The following LYPD6 variants were observed in gnomAD, a reference collection of about 807,000 sequenced individuals.
LYPD6 encodes ly6/PLAUR domain-containing protein 6.
LYPD6 carries 15 observed loss-of-function variants against 22.7 expected under a neutral mutation model. That is an observed-to-expected ratio of 0.66 (90% CI 0.44 to 1.02). The LOEUF (loss-of-function observed/expected upper bound fraction) is 1.02. Ranked by LOEUF, LYPD6 falls within the 50% of genes least tolerant of loss-of-function variation. The probability of loss-of-function intolerance (pLI) is 0.00; values close to 1 mark genes in which losing one functional copy is unlikely to be tolerated. For synonymous variants in LYPD6, 72 were observed against 77.5 expected, an observed-to-expected ratio of 0.93 and a Z score of 0.37; for missense variants, 189 against 208.4, an observed-to-expected ratio of 0.91 and a Z score of 0.57.
intron 1 of LYPD6, among the ~76,000 whole-genome samples, chr2:149,364,458 CT>C (rs2105070932): frequency 6.6e-6 from 1 of 151,766 alleles, no homozygotes; most frequent in East Asian, 1.9e-4. Flanking sequence ...TGACACCTGA[CT>C]TTTTACAGCA....
At chr2:149,422,429 G>GTC (rs1394012528) in intron 1 of LYPD6, among the ~76,000 whole-genome samples, 3 of 152,074 alleles carry the variant, frequency 2.0e-5, no homozygotes, top group African/African-American at 7.2e-5. Flanking sequence ...GGGGCCTGGG[G>GTC]TCTCTCTGCT....
At chr2:149,394,518 A>C (rs1682385008) in intron 1 of LYPD6, among the ~76,000 whole-genome samples, 1 of 152,154 alleles carries the variant, frequency 6.6e-6, no homozygotes, top group Non-Finnish European at 1.5e-5. Flanking sequence ...TTATAATTTT[A>C]GTATTTTTGA....
intron 1 of LYPD6, among the ~76,000 whole-genome samples, chr2:149,358,282 C>T (rs545783434): frequency 1.4e-4 from 22 of 152,222 alleles, no homozygotes; most frequent in African/African-American, 5.3e-4. Context: ...CAGCAAACAT[C>T]GATTACTCTA....
intron 1 of LYPD6, among the ~76,000 whole-genome samples, chr2:149,357,965 T>C (rs1196349726): frequency 6.6e-6 from 1 of 152,068 alleles, no homozygotes; most frequent in Non-Finnish European, 1.5e-5. Context: ...CTTGGATTTT[T>C]AGTAGAGATA....
At chr2:149,406,160 G>T (rs1310500784) in intron 1 of LYPD6, among the ~76,000 whole-genome samples, 1 of 149,310 alleles carries the variant, frequency 6.7e-6, no homozygotes, top group African/African-American at 2.4e-5. Flanking sequence ...CCAAGTATGT[G>T]GTCAATTTTG....
intron 1 of LYPD6, among the ~76,000 whole-genome samples, chr2:149,376,860 G>A (rs528493248): frequency 1.6e-4 from 25 of 152,350 alleles, no homozygotes; most frequent in African/African-American, 6.0e-4. Flanking sequence ...TTTTGTAGGT[G>A]CAGTACTGAC....
chr2:149,362,245 C>T (rs1462624596), intron 1 of LYPD6, among the ~76,000 whole-genome samples: 1 of 151,954 alleles, frequency 6.6e-6, no homozygotes, highest in African/African-American at 2.4e-5. Flanking sequence ...TTTCTCTACC[C>T]ATTGTAGGTT....
chr2:149,406,945 C>T (rs1362992569), intron 1 of LYPD6, among the ~76,000 whole-genome samples: 1 of 152,066 alleles, frequency 6.6e-6, no homozygotes, highest in Non-Finnish European at 1.5e-5. Flanking sequence ...CAAAATCTCT[C>T]AGCATTTGCT....
chr2:149,385,241 G>A (rs1682157917), intron 1 of LYPD6, among the ~76,000 whole-genome samples: 1 of 152,088 alleles, frequency 6.6e-6, no homozygotes, highest in African/African-American at 2.4e-5. Flanking sequence ...TTCACTGTGT[G>A]TAAACCCAGC....
At chr2:149,480,880 C>A in the LYPD6 span, among the ~76,000 whole-genome samples, 19 of 152,284 alleles carry the variant, frequency 1.2e-4, no homozygotes, top group African/African-American at 4.3e-4. Context: ...GGCCCAGCCC[C>A]CATCACCTAC....
chr2:149,330,251 G>A (rs1403622696), upstream of LYPD6: 4 of 151,998 alleles, frequency 2.6e-5, no homozygotes, highest in Non-Finnish European at 4.4e-5. Context: ...CGCTCACTGG[G>A]AACAGGCTTC....
chr2:149,346,521 T>A (rs947629450), intron 1 of LYPD6, among the ~76,000 whole-genome samples: 4 of 152,182 alleles, frequency 2.6e-5, no homozygotes, highest in Non-Finnish European at 4.4e-5. Flanking sequence ...ATGGAGGATT[T>A]CCATAAAGTC....
At chr2:149,459,782 G>T (rs1024103578) in intron 3 of LYPD6, among the ~76,000 whole-genome samples, 8 of 151,840 alleles carry the variant, frequency 5.3e-5, no homozygotes, top group African/African-American at 1.9e-4. Context: ...GGCACCTGTA[G>T]TCCCAGCTAC....
chr2:149,333,052 A>G (rs1212082812), intron 1 of LYPD6, among the ~76,000 whole-genome samples: 1 of 152,218 alleles, frequency 6.6e-6, no homozygotes, highest in East Asian at 1.9e-4. Context: ...GTAGACGATT[A>G]ACAATAGAAA....
At chr2:149,383,242 T>C (rs1682107959) in intron 1 of LYPD6, among the ~76,000 whole-genome samples, 1 of 152,152 alleles carries the variant, frequency 6.6e-6, no homozygotes, top group Admixed American at 6.5e-5. Flanking sequence ...CCCTGAATAA[T>C]GCCTTGAGTT....
chr2:149,370,900 C>T (rs184503711), intron 1 of LYPD6, among the ~76,000 whole-genome samples: 33 of 152,236 alleles, frequency 2.2e-4, no homozygotes, highest in Admixed American at 9.2e-4. Context: ...TTCGAAGTTA[C>T]GTAAGTGAGC....
At chr2:149,345,387 A>AGCTCT (rs1681235611) in intron 1 of LYPD6, among the ~76,000 whole-genome samples, 1 of 149,776 alleles carries the variant, frequency 6.7e-6, no homozygotes, top group Non-Finnish European at 1.5e-5. Flanking sequence ...GGTCACTGCA[A>AGCTCT]GCTCTGCCTC....
intron 1 of LYPD6, among the ~76,000 whole-genome samples, chr2:149,335,613 T>A (rs958350891): frequency 6.6e-6 from 1 of 152,180 alleles, no homozygotes; most frequent in Non-Finnish European, 1.5e-5. Flanking sequence ...CCTACAGTAG[T>A]CTACAGTAAC....
At chr2:149,350,238 A>G (rs1681334410) in intron 1 of LYPD6, among the ~76,000 whole-genome samples, 2 of 152,198 alleles carry the variant, frequency 1.3e-5, no homozygotes, top group Admixed American at 6.5e-5. Flanking sequence ...TGTAAGAATC[A>G]GGTATTGTTT....
Sources: allele counts gnomAD v4.1 joint callset (sites outside exome capture counted in the v4.1 genomes callset), GRCh38; gene constraint gnomAD v4.1.1; transcripts MANE v1.5; gene names NCBI Gene and HGNC (gene_info 2026-07-23, HGNC 2026-07-21).